The following NCAPD3 variants were observed in gnomAD, a reference collection of about 807,000 sequenced individuals.
NCAPD3 encodes the protein condensin-2 complex subunit D3.
In NCAPD3, 105 loss-of-function variants were observed where a neutral mutation model predicts 182.9. The ratio of observed to expected loss-of-function variants is 0.57; its 90% confidence interval spans 0.49 to 0.68. NCAPD3 has a LOEUF of 0.68. Among genes scored for constraint, NCAPD3 ranks in the 30% least tolerant of loss-of-function variants. The pLI, the probability that NCAPD3 is intolerant of heterozygous loss-of-function variation, is 0.00. For synonymous variants in NCAPD3, 815 were observed against 679.9 expected (o/e 1.20, Z -3.09); for missense variants, 1,944 against 1,837.0 (o/e 1.06, Z -1.07).
At chr11:134,209,784 G>T in intron 4 of NCAPD3, 1 of 284,204 alleles carries the variant, frequency 3.5e-6, no homozygotes, top group Non-Finnish European at 6.6e-6. Flanking sequence ...ATTAGGCTGG[G>T]TGTTGTGGCT....
At position 134,172,605 on chromosome 11, in the gene NCAPD3, G is replaced by A. The variant is rs542010195; in HGVS notation, c.3102-3551C>T. On this transcript the variant is annotated intron_variant, in intron 24 of 34. Transcript: ENST00000534548. ...TCTCTACACTCCTGTGGCAGTGCCC[G>A]CAGTGCCCAGTTAAACTACAATAAT... is the stretch of plus-strand genomic sequence containing the variant. Among the ~76,000 whole-genome samples, 54 of 152,312 alleles carry A rather than the reference G, an allele frequency of 3.5e-4. No individual in the cohort carries two copies. The South Asian group carries it at 6.8e-3, about 19-fold the overall frequency.
upstream of NCAPD3, chr11:134,224,231 A>G (rs781519310): frequency 9.5e-5 from 49 of 513,354 alleles, no homozygotes; most frequent in African/African-American, 1.4e-4. Flanking sequence ...TTTTTCTTCA[A>G]TGGGGGAAAA....
intron 32 of NCAPD3, among the ~76,000 whole-genome samples, chr11:134,156,613 G>A (rs942222465): frequency 3.9e-5 from 6 of 152,158 alleles, no homozygotes; most frequent in Non-Finnish European, 8.8e-5. Context: ...CAGTTGCAGA[G>A]CGTGCATGGT....
chr11:134,196,645 C>CAAAAAAAAAAAAAAAAAAAA (rs998502328), intron 13 of NCAPD3, among the ~76,000 whole-genome samples: 1 of 57,860 alleles, frequency 1.7e-5, no homozygotes, highest in African/African-American at 7.2e-5. Flanking sequence ...AACTCCATCT[C>CAAAAAAAAAAAAAAAAAAAA]AAAAAAAAAA....
At chr11:134,192,561 A>G in intron 16 of NCAPD3, 128 bp downstream of exon 16, 1 of 752,316 alleles carries the variant, frequency 1.3e-6, no homozygotes, top group African/African-American at 1.8e-5. Context: ...AGAGAGACCA[A>G]TACTTAATCT....
At chr11:134,169,135 G>T in intron 24 of NCAPD3, 81 bp from the exon 25 acceptor site, 2 of 1,404,950 alleles carry the variant, frequency 1.4e-6, no homozygotes, top group South Asian at 1.4e-5. Flanking sequence ...ACTCTGCTGA[G>T]CAGAGGAGAG....
chr11:134,181,204 A>G lies in NCAPD3; in HGVS notation c.2452-20T>C, dbSNP rs1229515395. ...CAATTCCTACGGCAAGTCAAAAGTC[A>G]TCTCTGAAGGGCCCCGCACATCTCC... On this transcript the variant is annotated intron_variant, in intron 19 of 34. Transcript: ENST00000534548. 6.4e-7 allele frequency: 1 copy of G among 1,550,486 alleles called. No individual in the cohort carries two copies. The highest frequency in any genetic ancestry group is 1.1e-5 in the South Asian group (1 of 89,416).
chr11:134,158,781 C>T (rs1943501152), intron 29 of NCAPD3, among the ~76,000 whole-genome samples: 2 of 152,180 alleles, frequency 1.3e-5, no homozygotes, highest in Non-Finnish European at 2.9e-5. Flanking sequence ...TTCTATCTAA[C>T]TGTATTTTGG....
intron 32 of NCAPD3, among the ~76,000 whole-genome samples, chr11:134,155,313 A>G (rs1943389693): frequency 6.6e-6 from 1 of 152,222 alleles, no homozygotes; most frequent in South Asian, 2.1e-4. Context: ...AAAGTTGCCA[A>G]AAAGAATCTG....
At chr11:134,163,700 C>CAA (rs57961196) in intron 27 of NCAPD3, among the ~76,000 whole-genome samples, 673 of 66,080 alleles carry the variant, frequency 0.01, 10 homozygotes, top group African/African-American at 0.031. Flanking sequence ...TACTGTGTCT[C>CAA]AAAAAAAAAA....
intron 19 of NCAPD3, among the ~76,000 whole-genome samples, chr11:134,182,025 TTTA>T (rs963426909): frequency 3.3e-5 from 5 of 152,216 alleles, no homozygotes; most frequent in African/African-American, 4.8e-5. Flanking sequence ...AACTATTGGC[TTTA>T]TTACTTCTAA....
intron 16 of NCAPD3, among the ~76,000 whole-genome samples, chr11:134,187,664 G>A (rs1944438764): frequency 6.6e-6 from 1 of 152,152 alleles, no homozygotes; most frequent in South Asian, 2.1e-4. Context: ...CCCTAAGCCA[G>A]AAGAAGAAAG....
intron 1 of NCAPD3, chr11:134,223,354 G>GA: frequency 1.4e-6 from 1 of 692,970 alleles, no homozygotes; most frequent in Non-Finnish European, 2.7e-6. Context: ...TAGTGGGCAT[G>GA]AAAGGGGAAG....
At chr11:134,215,252 C>G (rs1272891161) in intron 3 of NCAPD3, among the ~76,000 whole-genome samples, 1 of 152,210 alleles carries the variant, frequency 6.6e-6, no homozygotes, top group African/African-American at 2.4e-5. Flanking sequence ...ATGCTTTCCC[C>G]TTAAGATCAG....
upstream of NCAPD3, chr11:134,223,972 C>G: frequency 6.2e-7 from 1 of 1,601,126 alleles, no homozygotes; most frequent in African/African-American, 1.3e-5. Flanking sequence ...ACTTTCAAAG[C>G]TCGCTCCCGC....
At chr11:134,178,768 G>A (rs752026725) in intron 21 of NCAPD3, 27 bp from the exon 22 acceptor site, 76 of 1,608,130 alleles carry the variant, frequency 4.7e-5, no homozygotes, top group East Asian at 1.3e-4. Flanking sequence ...GAAAGTTACC[G>A]ACAGAACCTT....
intron 2 of NCAPD3, among the ~76,000 whole-genome samples, chr11:134,219,836 G>A (rs191635905): frequency 2.0e-5 from 3 of 151,996 alleles, no homozygotes; most frequent in Admixed American, 6.5e-5. Flanking sequence ...TTGCTCTGTC[G>A]CCCAGGCTGG....
At chr11:134,211,458 A>G (rs1295631638) in intron 3 of NCAPD3, among the ~76,000 whole-genome samples, 1 of 152,160 alleles carries the variant, frequency 6.6e-6, no homozygotes, top group Non-Finnish European at 1.5e-5. Flanking sequence ...GACCAGTCTG[A>G]GCAACACAGC....
At chr11:134,159,460 G>A (rs1354236034) in intron 29 of NCAPD3, among the ~76,000 whole-genome samples, 3 of 152,218 alleles carry the variant, frequency 2.0e-5, no homozygotes, top group East Asian at 3.8e-4. Flanking sequence ...TGGCATGACA[G>A]AAGAGAAAAA....
Sources: allele counts gnomAD v4.1 joint callset (sites outside exome capture counted in the v4.1 genomes callset), GRCh38; gene constraint gnomAD v4.1.1; transcripts MANE v1.5; gene names NCBI Gene and HGNC (gene_info 2026-07-23, HGNC 2026-07-21).